NAA20: variants seen among roughly 807,000 people sequenced by gnomAD.
The protein encoded by NAA20 is N-alpha-acetyltransferase 20.
In NAA20, 24 loss-of-function variants were observed where a neutral mutation model predicts 23.8. The observed-to-expected ratio is 1.01, with a 90% CI of 0.73 to 1.42. The LOEUF (loss-of-function observed/expected upper bound fraction) is 1.42, where lower values mean the gene tolerates loss of function less well. Among genes scored for constraint, NAA20 ranks in the 40% most tolerant of loss-of-function variants. The pLI is 0.00. For synonymous variants in NAA20, 83 were observed against 77.7 expected (o/e 1.07, Z -0.36); for missense variants, 166 against 223.1 (o/e 0.74, Z 1.63).
chr20:20,028,413 C>G (rs1320419969), intron 4 of NAA20, among the ~76,000 whole-genome samples: 2 of 151,992 alleles, frequency 1.3e-5, no homozygotes, highest in African/African-American at 4.8e-5. Context: ...GTGCAGCAAA[C>G]CACCATGGCA....
chr20:20,025,720 A>G lies in NAA20; in HGVS notation c.122A>G (p.Glu41Gly), dbSNP rs1271497077. The G allele has an allele frequency of 1.9e-6, 3 of 1,612,306 alleles. No homozygotes were observed. The highest frequency in any genetic ancestry group is 1.3e-5 in the African/African-American group (1 of 74,894). ...FYLQYLAHWP[E>G]YFIVAEAPGG... ...CTACAATACCTCGCCCACTGGCCAG[A>G]GTATTTCATTGTTGCAGAGGCACCT... The change falls in exon 3 of 6, where the codon GAG becomes GGG. Residue 41 changes from glutamate to glycine, a missense_variant. By Grantham distance (98) the Glu-to-Gly change is moderately conservative. Transcript: ENST00000334982.
intron 1 of NAA20, among the ~76,000 whole-genome samples, chr20:20,019,038 A>T (rs1304321183): frequency 6.6e-6 from 1 of 152,114 alleles, no homozygotes; most frequent in African/African-American, 2.4e-5. Flanking sequence ...GGAGAGGCTC[A>T]CCCTCTCTTT....
At chr20:20,030,444 T>A (rs1451156109) in intron 4 of NAA20, among the ~76,000 whole-genome samples, 1 of 152,140 alleles carries the variant, frequency 6.6e-6, no homozygotes, top group Non-Finnish European at 1.5e-5. Context: ...ACAAGAAATT[T>A]GTAGTAAATA....
chr20:20,025,653 T>TCA, intron 2 of NAA20, 24 bp from the exon 3 acceptor site: 1 of 1,557,472 alleles, frequency 6.4e-7, no homozygotes, highest in South Asian at 1.1e-5. Flanking sequence ...CCATTACTTT[T>TCA]CACACTCCTT....
At chr20:20,030,921 G>A (rs551668097) in intron 4 of NAA20, among the ~76,000 whole-genome samples, 74 of 152,186 alleles carry the variant, frequency 4.9e-4, no homozygotes, top group African/African-American at 1.7e-3. Flanking sequence ...AAGTACTTAA[G>A]AATCTAGCAA....
chr20:20,017,368 G>T lies in NAA20; in HGVS notation c.-29G>T, dbSNP rs1205884934. 5.0e-6 allele frequency: 8 copies of T among 1,610,514 alleles called. No individual in the cohort carries two copies. The Admixed American group carries it at 5.0e-5, about 10-fold the overall frequency. Reference sequence around the variant, plus strand: ...GGCAGGGCGGGCGCGGGGTCTTGGCGAACGGTCTTCGGAAGCGGCGGCGGC... The same window carrying T: ...GGCAGGGCGGGCGCGGGGTCTTGGCTAACGGTCTTCGGAAGCGGCGGCGGC... On this transcript the variant is annotated 5_prime_UTR_variant, in exon 1 of 6. Transcript: ENST00000334982.
At chr20:20,018,279 A>G in intron 1 of NAA20, 2 of 579,850 alleles carry the variant, frequency 3.4e-6, no homozygotes, top group East Asian at 2.9e-5. Flanking sequence ...GAATTTCACC[A>G]TGTGCTTTTA....
intron 5 of NAA20, 130 bp downstream of exon 5, chr20:20,032,783 C>CT (rs763766048): frequency 3.5e-6 from 4 of 1,157,694 alleles, no homozygotes; most frequent in Non-Finnish European, 4.6e-6. Context: ...CCTCAACCTA[C>CT]CTTTATCAAC....
At chr20:20,023,688 A>C (rs1330922004) in intron 2 of NAA20, among the ~76,000 whole-genome samples, 2 of 152,198 alleles carry the variant, frequency 1.3e-5, no homozygotes, top group East Asian at 3.9e-4. Context: ...AAGAGGGCAT[A>C]TAGGAGCTTA....
chr20:20,027,041 A>G (rs2043311461), intron 4 of NAA20, 122 bp downstream of exon 4: 1 of 1,300,520 alleles, frequency 7.7e-7, no homozygotes, highest in Non-Finnish European at 1.1e-6. Context: ...CATCTCCAGT[A>G]GTCCTTAGAA....
At chr20:20,026,323 T>A (rs1019491457) in intron 3 of NAA20, among the ~76,000 whole-genome samples, 1 of 151,158 alleles carries the variant, frequency 6.6e-6, no homozygotes, top group South Asian at 2.1e-4. Flanking sequence ...AAAAAAAATC[T>A]TTCATTCTAT....
At chr20:20,021,389 A>G (rs775402969) in intron 1 of NAA20, among the ~76,000 whole-genome samples, 1 of 152,228 alleles carries the variant, frequency 6.6e-6, no homozygotes, top group African/African-American at 2.4e-5. Context: ...AGCAGCAAGC[A>G]TAACAAATGC....
Position 20,020,801 on chromosome 20 carries a change from A to G in NAA20, c.54-1655A>G, listed in dbSNP as rs182149280. Among the ~76,000 whole-genome samples, 295 of 152,314 alleles carry G rather than the reference A, an allele frequency of 1.9e-3. 1 individual carries two copies. The highest frequency in any genetic ancestry group is 6.9e-3 in the African/African-American group (286 of 41,566). On this transcript the variant is annotated intron_variant, in intron 1 of 5. Coordinates refer to ENST00000334982, the MANE Select transcript of NAA20 (RefSeq NM_016100.5). Reference sequence around the variant, plus strand: ...GTCTCAGAAGCTGAGTGAAGACAGCATTTCAGGCTGTCCCAGGAGTGGGAA... The same window carrying G: ...GTCTCAGAAGCTGAGTGAAGACAGCGTTTCAGGCTGTCCCAGGAGTGGGAA...
chr20:20,032,640 TGAG>T lies in NAA20; in HGVS notation c.441_443del (p.Glu147del), dbSNP rs749057142. ...ATTCGGCCAGCAACGGGGAGCCTGA[TGAG>T]GACGCTTATGGTAAGCTCCCTTCCA... On this transcript the variant is annotated inframe_deletion, in exon 5 of 6. Coordinates refer to ENST00000334982, the MANE Select transcript of NAA20 (RefSeq NM_016100.5). 1 of 1,603,542 alleles carries T rather than the reference TGAG, an allele frequency of 6.2e-7. No individual in the cohort carries two copies. The highest frequency in any genetic ancestry group is 8.5e-7 in the Non-Finnish European group (1 of 1,175,820).
chr20:20,032,724 T>A, intron 5 of NAA20, 71 bp downstream of exon 5: 16 of 1,472,952 alleles, frequency 1.1e-5, no homozygotes, highest in Non-Finnish European at 1.4e-5. Context: ...ATTGTAGTAT[T>A]TGATTATTTT....
chr20:20,022,506 AGTT>A, intron 2 of NAA20, 26 bp downstream of exon 2: 1 of 1,505,550 alleles, frequency 6.6e-7, no homozygotes. Flanking sequence ...AAAAAAAAAA[AGTT>A]GAATGAAGAT....
intron 5 of NAA20, 140 bp downstream of exon 5, chr20:20,032,793 C>A: frequency 8.9e-7 from 1 of 1,119,662 alleles, no homozygotes; most frequent in Non-Finnish European, 1.2e-6. Context: ...CCTTTATCAA[C>A]CTATTAGTAG....
At chr20:20,017,947 A>G (rs368988853) in intron 1 of NAA20, 38 of 1,613,176 alleles carry the variant, frequency 2.4e-5, no homozygotes, top group Non-Finnish European at 3.2e-5. Context: ...GGATGTGTAC[A>G]TCGTGAAGCC....
At chr20:20,025,636 T>C (rs768515226) in intron 2 of NAA20, 41 bp from the exon 3 acceptor site, 1 of 1,455,698 alleles carries the variant, frequency 6.9e-7, no homozygotes, top group Admixed American at 1.7e-5. Context: ...GAAGAACTTT[T>C]TACTGTCCAT....
Sources: allele counts gnomAD v4.1 joint callset (sites outside exome capture counted in the v4.1 genomes callset), GRCh38; gene constraint gnomAD v4.1.1; transcripts MANE v1.5; gene names NCBI Gene and HGNC (gene_info 2026-07-23, HGNC 2026-07-21).